IL1RAPL2: variants seen among roughly 807,000 people sequenced by gnomAD.
IL1RAPL2 encodes X-linked interleukin-1 receptor accessory protein-like 2.
Under a neutral mutation model 44.1 loss-of-function variants are expected in IL1RAPL2, and 3 were observed. The observed-to-expected ratio is 0.07, with a 90% CI of 0.03 to 0.18. The LOEUF is 0.18. Among genes scored for constraint, IL1RAPL2 ranks in the 10% least tolerant of loss-of-function variants. The probability of loss-of-function intolerance (pLI) is 1.00; values close to 1 mark genes in which losing one functional copy is unlikely to be tolerated. For synonymous variants in IL1RAPL2, 181 were observed against 178.8 expected (o/e 1.01, Z -0.10); for missense variants, 391 against 496.4 (o/e 0.79, Z 2.02).
chrX:105,665,365 G>GTC (rs1373464229), intron 6 of IL1RAPL2, among the ~76,000 whole-genome samples: 4 of 110,611 alleles, frequency 3.6e-5, no homozygotes, highest in African/African-American at 1.3e-4. Flanking sequence ...GTGTGTGTGT[G>GTC]TGTGTGTGTG....
At chrX:104,731,903 C>G (rs1334320120) in intron 2 of IL1RAPL2, among the ~76,000 whole-genome samples, 2 of 111,342 alleles carry the variant, frequency 1.8e-5, no homozygotes, top group Non-Finnish European at 3.8e-5. Context: ...TGAAATATTT[C>G]TAAAAATTGA....
intron 3 of IL1RAPL2, chrX:105,218,918 C>T (rs368121299): frequency 3.8e-5 from 36 of 939,570 alleles, no homozygotes; most frequent in South Asian, 2.8e-4. Flanking sequence ...AAAATTAATT[C>T]GCCATCGAGA....
At chrX:105,291,451 AC>A (rs1248964741) in intron 5 of IL1RAPL2, among the ~76,000 whole-genome samples, 2 of 111,905 alleles carry the variant, frequency 1.8e-5, no homozygotes, top group African/African-American at 6.5e-5. Flanking sequence ...GAATATGATA[AC>A]CAATTCTCAA....
intron 5 of IL1RAPL2, among the ~76,000 whole-genome samples, chrX:105,417,354 T>C (rs1269773536): frequency 8.9e-6 from 1 of 111,934 alleles, no homozygotes; most frequent in Non-Finnish European, 1.9e-5. Flanking sequence ...GTGCCTGTAA[T>C]CCCAGCTACT....
At chrX:104,695,368 A>C (rs181753080) in intron 2 of IL1RAPL2, among the ~76,000 whole-genome samples, 15 of 111,693 alleles carry the variant, frequency 1.3e-4, no homozygotes, top group South Asian at 3.8e-4. Flanking sequence ...AGAGAGAGAG[A>C]GAGCGAGCAC....
intron 2 of IL1RAPL2, among the ~76,000 whole-genome samples, chrX:105,135,206 C>T (rs999941443): frequency 9.0e-6 from 1 of 111,364 alleles, no homozygotes; most frequent in Middle Eastern, 4.2e-3. Context: ...CATGAGAAAT[C>T]TCATCCTCAT....
At chrX:104,756,426 G>A (rs1569308901) in intron 2 of IL1RAPL2, among the ~76,000 whole-genome samples, 1 of 111,370 alleles carries the variant, frequency 9.0e-6, no homozygotes. Flanking sequence ...TCATCTTGAA[G>A]TGTATGGAGT....
intron 5 of IL1RAPL2, among the ~76,000 whole-genome samples, chrX:105,279,787 T>C (rs1174805696): frequency 8.9e-6 from 1 of 112,494 alleles, no homozygotes. Flanking sequence ...CCATCTTAGT[T>C]ATTTCTTGTC....
At chrX:105,312,821 A>G (rs1412256336) in intron 5 of IL1RAPL2, among the ~76,000 whole-genome samples, 3 of 111,366 alleles carry the variant, frequency 2.7e-5, no homozygotes, top group South Asian at 3.7e-4. Flanking sequence ...TTGAAACATC[A>G]TGTTGTACAT....
intron 7 of IL1RAPL2, among the ~76,000 whole-genome samples, chrX:105,727,912 C>T (rs1305727376): frequency 9.0e-6 from 1 of 111,397 alleles, no homozygotes. Flanking sequence ...AAGTTCACAA[C>T]AAAATTGAGT....
intron 3 of IL1RAPL2, among the ~76,000 whole-genome samples, chrX:105,217,359 T>C (rs1446988205): frequency 8.9e-6 from 1 of 112,205 alleles, no homozygotes; most frequent in Non-Finnish European, 1.9e-5. Context: ...ATGCTCATCA[T>C]CACTGGCCAT....
intron 5 of IL1RAPL2, among the ~76,000 whole-genome samples, chrX:105,287,818 A>G (rs1253921180): frequency 9.0e-6 from 1 of 111,547 alleles, no homozygotes; most frequent in Non-Finnish European, 1.9e-5. Context: ...CGGGTATGAC[A>G]AGGTTCATTC....
rs1202670911 is a variant in IL1RAPL2, at chrX:104,950,709, G to GT, written c.83-244761dup. 5.8e-5 allele frequency among the ~76,000 whole-genome samples: 5 copies of GT among 86,600 alleles called. No homozygotes were observed. The East Asian group carries it at 1.2e-3, about 21-fold the overall frequency. 75.2% of individuals were successfully genotyped at this position (86,600 alleles called of 115,157 possible). On this transcript the variant is annotated intron_variant, in intron 2 of 10. Coordinates refer to ENST00000372582, the MANE Select transcript of IL1RAPL2 (RefSeq NM_017416.2). ...TTTGTTTGTTTGTTTGTTTGTTTTT[G>GT]TTTTTGTTTTTTTTTTTGAGACGGA...
intron 5 of IL1RAPL2, among the ~76,000 whole-genome samples, chrX:105,480,025 A>T (rs2036224092): frequency 8.9e-6 from 1 of 111,757 alleles, no homozygotes; most frequent in Admixed American, 9.5e-5. Context: ...ATTCCAAAAT[A>T]GCTTCATTCA....
intron 5 of IL1RAPL2, among the ~76,000 whole-genome samples, chrX:105,360,197 CCATGGCTAATGGGAATACTATATGAGA>C (rs1396669368): frequency 9.0e-6 from 1 of 111,311 alleles, no homozygotes; most frequent in Non-Finnish European, 1.9e-5. Flanking sequence ...CAATACCTAC[CCATGGCTAATGGGAATACTATATGAGA>C]CCAGAGAGTG....
intron 2 of IL1RAPL2, among the ~76,000 whole-genome samples, chrX:104,939,851 A>G (rs1355826042): frequency 2.7e-5 from 3 of 112,009 alleles, no homozygotes; most frequent in African/African-American, 9.7e-5. Flanking sequence ...CCTACACCGT[A>G]TATTATCTGA....
chrX:105,449,367 G>C (rs1480277491), intron 5 of IL1RAPL2, among the ~76,000 whole-genome samples: 3 of 110,649 alleles, frequency 2.7e-5, no homozygotes, highest in Non-Finnish European at 5.7e-5. Flanking sequence ...GGCAGATCAC[G>C]ATGTCAGGAG....
chrX:105,449,110 ATGTT>A (rs995827915), intron 5 of IL1RAPL2, among the ~76,000 whole-genome samples: 1 of 111,037 alleles, frequency 9.0e-6, no homozygotes, highest in African/African-American at 3.3e-5. Context: ...ATGCTTGTAA[ATGTT>A]TGTAAGTGTC....
intron 5 of IL1RAPL2, among the ~76,000 whole-genome samples, chrX:105,468,612 A>G (rs955678846): frequency 9.0e-6 from 1 of 111,651 alleles, no homozygotes; most frequent in Non-Finnish European, 1.9e-5. Flanking sequence ...GACCCTATTT[A>G]ACTGGTACAG....
Sources: allele counts gnomAD v4.1 joint callset (sites outside exome capture counted in the v4.1 genomes callset), GRCh38; gene constraint gnomAD v4.1.1; transcripts MANE v1.5; gene names NCBI Gene and HGNC (gene_info 2026-07-23, HGNC 2026-07-21).